The following MUC12 variants were observed in gnomAD, a reference collection of about 807,000 sequenced individuals.
The protein encoded by MUC12 is mucin-12.
A neutral mutation model predicts 230.8 loss-of-function variants in MUC12; 172 were observed. The ratio of observed to expected loss-of-function variants is 0.75; its 90% CI spans 0.66 to 0.85. The LOEUF (loss-of-function observed/expected upper bound fraction) is 0.85. Ranked by LOEUF, MUC12 falls within the 40% of genes least tolerant of loss-of-function variation. The pLI is 0.00. For missense variants in MUC12, 3,506 were observed against 5,920.6 expected, an observed-to-expected ratio of 0.59 and a Z score of 13.38; for synonymous variants, 1,259 against 2,401.9, an observed-to-expected ratio of 0.52 and a Z score of 13.91.
chr7:100,973,098 A>G (rs1563083790), intron 1 of MUC12: 7 of 541,170 alleles, frequency 1.3e-5, no homozygotes, highest in Non-Finnish European at 1.9e-5. Context: ...TTTAGACATC[A>G]CAGGAACCTC....
At chr7:100,982,453 T>A (rs1793123929) in intron 1 of MUC12, among the ~76,000 whole-genome samples, 2 of 151,754 alleles carry the variant, frequency 1.3e-5, no homozygotes, top group South Asian at 4.2e-4. Flanking sequence ...TTTTTTTTTT[T>A]AGAAACAGGG....
At chr7:100,976,023 C>G (rs1040550659) in intron 1 of MUC12, among the ~76,000 whole-genome samples, 1 of 152,228 alleles carries the variant, frequency 6.6e-6, no homozygotes, top group African/African-American at 2.4e-5. Context: ...CATGGTGGCT[C>G]ACTCATGCCT....
At chr7:100,989,653 T>C (rs1313683137) in intron 1 of MUC12, among the ~76,000 whole-genome samples, 2 of 151,826 alleles carry the variant, frequency 1.3e-5, no homozygotes, top group Non-Finnish European at 2.9e-5. Context: ...TCCACAACCA[T>C]ACAGATATGA....
chr7:100,981,408 A>AG, intron 1 of MUC12: 1 of 639,746 alleles, frequency 1.6e-6, no homozygotes, highest in South Asian at 1.7e-5. Context: ...TTGCTAGCCC[A>AG]GGGGACGACG....
rs1215854588 is a variant in MUC12 at position 100,993,454 on chromosome 7, C to A, written c.2891C>A (p.Thr964Lys). 3.9e-6 allele frequency: 4 copies of A among 1,025,760 alleles called. 1 individual carries two copies. Among genetic ancestry groups the A allele is most frequent in the South Asian group, 1.6e-5 (1 of 60,880 alleles). 63.5% of individuals were successfully genotyped at this position (1,025,760 alleles called of 1,614,324 possible). Reference protein sequence around the residue: ...TTSSGIVEASTRVHSSTGSPR... With the variant: ...TTSSGIVEASKRVHSSTGSPR... The stretch of plus-strand genomic sequence containing the variant: ...AGCTCAGGCATCGTTGAAGCATCTA[C>A]ACGCGTCCACAGCAGCACTGGCTCA... The change falls in exon 2 of 12, where the codon ACA (threonine) becomes AAA (lysine). Residue 964 changes from threonine to lysine, a missense_variant. Thr to Lys is a moderately conservative substitution (Grantham distance 78, BLOSUM62 -1). Transcript: ENST00000536621.
Position 100,991,560 on chromosome 7 carries a change from G to C in MUC12, c.997G>C (p.Val333Leu), listed in dbSNP as rs1301800093. 6.5e-7 allele frequency: 1 copy of C among 1,536,790 alleles called. No homozygotes were observed. The highest frequency in any genetic ancestry group is 8.7e-7 in the Non-Finnish European group (1 of 1,146,506). Residue 333 changes from valine to leucine, a missense_variant, in exon 2 of 12, where the codon GTC becomes CTC. Val to Leu is a conservative substitution (Grantham distance 32, BLOSUM62 1). Coordinates refer to ENST00000536621, the MANE Select transcript of MUC12 (RefSeq NM_001164462.2). ...GGGCCATAGTGAGGAATCGACACCA[G>C]TCCACAGCAGCCCAGTTGCAACTGC... ...TLGHSEESTP[V>L]HSSPVATATT...
Position 101,005,119 on chromosome 7 carries a change from C to T in MUC12, c.14556C>T (p.Thr4852=). 2.0e-6 allele frequency: 3 copies of T among 1,537,946 alleles called. No homozygotes were observed. The African/African-American group carries it at 4.1e-5, about 21-fold the overall frequency. The stretch of plus-strand genomic sequence containing the variant: ...CAGGCCTTAGTGAGGAATCTACCAC[C>T]TTCTACAGCAGCCCAGGCTCAACTG... ...TVPGLSEEST[T]FYSSPGSTET... The change falls in exon 2 of 12, where the codon ACC becomes ACT. Residue 4852 remains threonine, a synonymous_variant. Transcript: ENST00000536621.
At chr7:100,969,824 C>A (rs1219712051) in intron 1 of MUC12, 135 bp downstream of exon 1, 2 of 1,310,844 alleles carry the variant, frequency 1.5e-6, no homozygotes, top group Non-Finnish European at 1.0e-6. Flanking sequence ...GGCTGGAGAC[C>A]CGTGCTGTGA....
chr7:101,012,216 A>G (rs1339306770), intron 5 of MUC12, 80 bp from the exon 6 acceptor site: 29 of 1,475,700 alleles, frequency 2.0e-5, no homozygotes, highest in Non-Finnish European at 2.4e-5. Context: ...TTCATCTCCC[A>G]TTACCACTCT....
chr7:100,981,113 C>A (rs1793098157), intron 1 of MUC12, among the ~76,000 whole-genome samples: 1 of 152,170 alleles, frequency 6.6e-6, no homozygotes, highest in Non-Finnish European at 1.5e-5. Context: ...TTTTGGATTT[C>A]TTTGCTTCCT....
Position 100,992,074 on chromosome 7 carries a change from A to T in MUC12, c.1511A>T (p.Asp504Val), listed in dbSNP as rs748551841. 3 of 1,537,234 alleles carry T rather than the reference A, an allele frequency of 2.0e-6. No individual in the cohort carries two copies. Among genetic ancestry groups the T allele is most frequent in the African/African-American group, 2.7e-5 (2 of 73,126 alleles). The change falls in exon 2 of 12, where the codon GAC becomes GTC. Residue 504 changes from aspartate (D) to valine (V), a missense_variant. Physicochemically the swap from Asp to Val is radical, Grantham distance 152. Coordinates refer to ENST00000536621, the MANE Select transcript of MUC12 (RefSeq NM_001164462.2). ...TTFYSSPRSP[D>V]TTHLPASMTS... ...TTCTACAGTAGCCCCAGATCACCAG[A>T]CACAACACACTTACCTGCCAGCATG...
chr7:100,993,928 GC>G lies in MUC12; in HGVS notation c.3367del (p.Leu1123TrpfsTer279). ...TTTLSPASMT[S>X]LGVGEESTTS... Reference sequence around the variant, plus strand: ...ACACTCTCACCTGCCAGCATGACAAGCCTGGGCGTCGGTGAAGAATCCACCA... The same window carrying G: ...ACACTCTCACCTGCCAGCATGACAAGCTGGGCGTCGGTGAAGAATCCACCA... On this transcript the variant is annotated frameshift_variant, in exon 2 of 12. Transcript: ENST00000536621. LOFTEE classifies it high-confidence loss of function. 6.9e-7 allele frequency: 1 copy of G among 1,442,516 alleles called. No homozygotes were observed. The highest frequency in any genetic ancestry group is 9.2e-7 in the Non-Finnish European group (1 of 1,092,598). 89.4% of individuals were successfully genotyped at this position (1,442,516 alleles called of 1,614,324 possible).
chr7:100,990,551 T>A, intron 1 of MUC12, 80 bp from the exon 2 acceptor site: 1 of 1,497,822 alleles, frequency 6.7e-7, no homozygotes, highest in South Asian at 1.2e-5. Context: ...CCAGCCCGGA[T>A]GTGTCAGAAT....
rs1277534420 is a variant in MUC12 at position 101,005,038 on chromosome 7, T to A, written c.14475T>A (p.Pro4825=). ...CTTTTGCTCAAGAATTTACCACCCC[T>A]CATAGCCAACCAGGCTCAGCTCTGT... ...TSSFAQEFTT[P]HSQPGSALST... is the part of the protein sequence containing the mutation. Residue 4825 remains proline (P), a synonymous_variant, in exon 2 of 12, where the codon CCT becomes CCA. Coordinates refer to ENST00000536621, the MANE Select transcript of MUC12 (RefSeq NM_001164462.2). The A allele has an allele frequency of 6.5e-7, 1 of 1,537,508 alleles. No individual in the cohort carries two copies. The highest frequency in any genetic ancestry group is 1.4e-5 in the African/African-American group (1 of 73,042).
intron 9 of MUC12, chr7:101,015,324 C>A: frequency 2.4e-6 from 1 of 419,498 alleles, no homozygotes; most frequent in Non-Finnish European, 4.4e-6. Flanking sequence ...TGGCACAGTA[C>A]CTGACCCGAA....
intron 1 of MUC12, among the ~76,000 whole-genome samples, chr7:100,971,768 A>C (rs1333522930): frequency 6.6e-6 from 1 of 152,308 alleles, no homozygotes; most frequent in African/African-American, 2.4e-5. Context: ...CCCTGCTCCC[A>C]AGGCCTGGCC....
At chr7:100,981,721 T>C (rs930577537) in intron 1 of MUC12, among the ~76,000 whole-genome samples, 2 of 152,146 alleles carry the variant, frequency 1.3e-5, no homozygotes, top group Non-Finnish European at 2.9e-5. Context: ...AGAGCAGGTA[T>C]GTTCGGAATG....
rs2116374764 is a variant in MUC12 at position 101,018,815 on chromosome 7, G to C, written c.*179G>C. The C allele has an allele frequency of 1.7e-6, 1 of 589,912 alleles. No homozygotes were observed. Among genetic ancestry groups the C allele is most frequent in the East Asian group, 3.4e-5 (1 of 29,304 alleles). The allele number at this position is 589,912 out of a possible 1,614,324, so 36.5% of individuals were successfully genotyped here. Reference sequence around the variant, plus strand: ...CTGTGCTCCTGCTGGGGAAGGCTGGGGGCTGTAAGCCTCTCCATCCGGGAG... The same window carrying C: ...CTGTGCTCCTGCTGGGGAAGGCTGGCGGCTGTAAGCCTCTCCATCCGGGAG... On this transcript the variant is annotated 3_prime_UTR_variant, in exon 12 of 12. Transcript: ENST00000536621.
Position 100,991,256 on chromosome 7 carries a change from T to C in MUC12, c.693T>C (p.Thr231=). 1.3e-6 allele frequency: 2 copies of C among 1,537,530 alleles called. No individual in the cohort carries two copies. Among genetic ancestry groups the C allele is most frequent in the Non-Finnish European group, 1.7e-6 (2 of 1,146,966 alleles). ...CCTTCCACAGCAGCCCAGGCTACAC[T>C]AAAACAACACGCTTACCTGACAACA... The part of the protein sequence containing the change: ...STTFHSSPGY[T]KTTRLPDNTT... Residue 231 remains threonine, a synonymous_variant, in exon 2 of 12, where the codon ACT becomes ACC. Coordinates refer to ENST00000536621, the MANE Select transcript of MUC12 (RefSeq NM_001164462.2).
Sources: allele counts gnomAD v4.1 joint callset (sites outside exome capture counted in the v4.1 genomes callset), GRCh38; gene constraint gnomAD v4.1.1; transcripts MANE v1.5; gene names NCBI Gene and HGNC (gene_info 2026-07-23, HGNC 2026-07-21).